Variants in MYRFL observed in about 807,000 individuals in gnomAD.
MYRFL encodes the protein myelin regulatory factor like.
In MYRFL, 88 loss-of-function variants were observed where a neutral mutation model predicts 109.4. The observed-to-expected ratio is 0.80, with a 90% CI of 0.68 to 0.96. The LOEUF is 0.96. MYRFL is among the 40% of genes least tolerant of loss of function. MYRFL has a pLI of 0.00. For missense variants in MYRFL, 957 were observed against 954.9 expected (o/e 1.00, Z -0.03); for synonymous variants, 324 against 320.9 (o/e 1.01, Z -0.10).
intron 2 of MYRFL, among the ~76,000 whole-genome samples, chr12:69,858,256 A>G (rs1884421507): frequency 6.6e-6 from 1 of 151,886 alleles, no homozygotes; most frequent in South Asian, 2.1e-4. Flanking sequence ...CAATTTGGTA[A>G]AATTTTGTTG....
At chr12:69,910,322 C>A (rs991221640) in intron 12 of MYRFL, among the ~76,000 whole-genome samples, 1 of 152,110 alleles carries the variant, frequency 6.6e-6, no homozygotes, top group East Asian at 1.9e-4. Context: ...TTTCTTTGCA[C>A]AGGAGTCCTT....
chr12:69,861,022 T>G lies in MYRFL; in HGVS notation c.137+5652T>G, dbSNP rs1482289466. 5.4e-5 allele frequency among the ~76,000 whole-genome samples: 8 copies of G among 149,274 alleles called. 1 individual carries two copies. Among genetic ancestry groups the G allele is most frequent in the African/African-American group, 1.5e-4 (6 of 40,502 alleles). The stretch of plus-strand genomic sequence containing the variant: ...GTTTGGTTTTTTGTTCTTGCGATAG[T>G]TTACTGAGAATGATGATTTCCAATT... On this transcript the variant is annotated intron_variant, in intron 2 of 24. Transcript: ENST00000552032.
At chr12:69,876,993 G>A (rs1487914079) in intron 2 of MYRFL, among the ~76,000 whole-genome samples, 1 of 101,260 alleles carries the variant, frequency 9.9e-6, no homozygotes, top group Non-Finnish European at 2.3e-5. Context: ...GCTAATATAA[G>A]GGTCCAGGTC....
In MYRFL at chr12:69,886,930, G is replaced by A; in HGVS notation, c.667G>A (p.Val223Ile). ...TCTGAAGTGGCAACCATGCCATAGT[G>A]TTCCTTGGCACAGCTTATTAAACAG... is the stretch of plus-strand genomic sequence containing the variant. ...PALKWQPCHSVPWHSLLNSHY... is the reference protein window; with the variant it reads ...PALKWQPCHSIPWHSLLNSHY... Residue 223 changes from valine to isoleucine, a missense_variant, in exon 6 of 25, where the codon GTT becomes ATT. Physicochemically the swap from Val to Ile is conservative, Grantham distance 29. Transcript: ENST00000552032. The A allele has an allele frequency of 1.3e-6, 2 of 1,535,870 alleles. No homozygotes were observed. Among genetic ancestry groups the A allele is most frequent in the South Asian group, 1.2e-5 (1 of 84,050 alleles).
intron 12 of MYRFL, 58 bp downstream of exon 12, chr12:69,910,135 C>T: frequency 8.5e-7 from 1 of 1,172,260 alleles, no homozygotes; most frequent in Middle Eastern, 2.2e-4. Flanking sequence ...ATTTTAATTA[C>T]CTCTTTATTT....
chr12:69,904,950 T>C (rs1260303144), intron 11 of MYRFL, among the ~76,000 whole-genome samples: 5 of 152,318 alleles, frequency 3.3e-5, no homozygotes, highest in African/African-American at 1.2e-4. Flanking sequence ...ATGTCCTCCT[T>C]TGCTTAGAGG....
At chr12:69,881,359 T>C (rs1178299144) in intron 5 of MYRFL, among the ~76,000 whole-genome samples, 2 of 152,164 alleles carry the variant, frequency 1.3e-5, no homozygotes, top group Non-Finnish European at 2.9e-5. Context: ...TCTATCCCAG[T>C]TTGTCACCTT....
intron 10 of MYRFL, among the ~76,000 whole-genome samples, chr12:69,900,754 AG>A (rs768070231): frequency 1.3e-5 from 2 of 152,326 alleles, no homozygotes; most frequent in East Asian, 3.9e-4. Flanking sequence ...CTTCTAACTC[AG>A]CATAGCCTTC....
In MYRFL at chr12:69,825,527, G is replaced by T; in HGVS notation, c.10G>T (p.Val4Leu). MDV[V>L]GENEALQQFF... is the part of the protein sequence containing the mutation. ...CTAGGATCACAGTACCATGGATGTG[G>T]TAGGCGAAAATGAGGCCCTGCAGCA... Residue 4 changes from valine to leucine, a missense_variant, in exon 1 of 25, where the codon GTA becomes TTA. Coordinates refer to ENST00000552032, the MANE Select transcript of MYRFL (RefSeq NM_182530.3). 1 of 701,936 alleles carries T rather than the reference G, an allele frequency of 1.4e-6. No homozygotes were observed. Among genetic ancestry groups the T allele is most frequent in the South Asian group, 1.5e-5 (1 of 67,524 alleles). The allele number at this position is 701,936 out of a possible 1,614,324, so 43.5% of individuals were successfully genotyped here.
At chr12:69,940,719 A>G (rs1309117253) in intron 19 of MYRFL, among the ~76,000 whole-genome samples, 11 of 149,170 alleles carry the variant, frequency 7.4e-5, no homozygotes, top group Admixed American at 4.0e-4. Context: ...AAATGCTCCA[A>G]TTAAAAGACA....
intron 19 of MYRFL, among the ~76,000 whole-genome samples, chr12:69,938,771 C>A (rs944203532): frequency 1.5e-4 from 23 of 152,260 alleles, no homozygotes; most frequent in East Asian, 9.7e-4. Context: ...CTGCATTTCC[C>A]TCTGAGGTAC....
chr12:69,835,548 AC>A (rs1565960152), intron 1 of MYRFL, among the ~76,000 whole-genome samples: 1 of 152,224 alleles, frequency 6.6e-6, no homozygotes, highest in Non-Finnish European at 1.5e-5. Context: ...AGCAGATTAG[AC>A]ATCTTTGGAA....
At chr12:69,952,232 C>T (rs1436457334) in intron 20 of MYRFL, 57 bp downstream of exon 20, 2 of 1,456,602 alleles carry the variant, frequency 1.4e-6, no homozygotes, top group East Asian at 4.9e-5. Context: ...GGCCAACTAA[C>T]AAGTTGTAAA....
At chr12:69,861,264 G>A (rs1246122011) in intron 2 of MYRFL, among the ~76,000 whole-genome samples, 5 of 152,052 alleles carry the variant, frequency 3.3e-5, no homozygotes, top group Non-Finnish European at 7.4e-5. Context: ...TATATACCCA[G>A]TAATGGGATG....
chr12:69,834,218 TTGATA>T (rs1195261762), intron 1 of MYRFL, among the ~76,000 whole-genome samples: 1 of 152,198 alleles, frequency 6.6e-6, no homozygotes, highest in Non-Finnish European at 1.5e-5. Context: ...ACCCCAGTGG[TTGATA>T]CCCTGGTATT....
At chr12:69,911,478 G>A (rs1400465702) in intron 13 of MYRFL, among the ~76,000 whole-genome samples, 2 of 152,132 alleles carry the variant, frequency 1.3e-5, no homozygotes, top group African/African-American at 4.8e-5. Flanking sequence ...TTTTTATGAA[G>A]ATATTCATGG....
rs73339416 is a variant in MYRFL at position 69,887,700 on chromosome 12, T to C, written c.707+730T>C. The stretch of plus-strand genomic sequence containing the variant: ...AATTTTAAAATTTTCCAAATTCAAA[T>C]ACTGTAAAGCTTATCACTAGGACTT... On this transcript the variant is annotated intron_variant, in intron 6 of 24. Transcript: ENST00000552032. Among the ~76,000 whole-genome samples the C allele has an allele frequency of 4.5e-3, 692 of 152,336 alleles. 4 individuals carry two copies. The highest frequency in any genetic ancestry group is 0.016 in the African/African-American group (676 of 41,576).
At chr12:69,930,872 G>T (rs1390615350) in intron 15 of MYRFL, among the ~76,000 whole-genome samples, 1 of 150,920 alleles carries the variant, frequency 6.6e-6, no homozygotes, top group Non-Finnish European at 1.5e-5. Context: ...CCTCTTACAG[G>T]TTCCCAGTCC....
Position 69,903,725 on chromosome 12 carries a change from G to GGTCGA in MYRFL, c.1267_1271dup (p.Gly425GlufsTer2). On this transcript the variant is annotated frameshift_variant, in exon 11 of 25. Transcript: ENST00000552032. LOFTEE classifies it high-confidence loss of function. ...AGTTCCAGAATCTATTGTCTGTCAC[G>GGTCGA]GTCGAGTAGGAATCAACACAGATGC... 1 of 1,535,852 alleles carries GGTCGA rather than the reference G, an allele frequency of 6.5e-7. No individual in the cohort carries two copies. Among genetic ancestry groups the GGTCGA allele is most frequent in the East Asian group, 2.4e-5 (1 of 40,916 alleles).
Sources: gnomAD v4.1 joint callset for allele counts (sites outside exome capture counted in the v4.1 genomes callset) on GRCh38, gnomAD v4.1.1 for gene constraint, MANE v1.5 for transcripts, NCBI Gene and HGNC (gene_info 2026-07-23, HGNC 2026-07-21) for gene names.